Variants in RAB28 observed in about 807,000 individuals in gnomAD.
RAB28 encodes ras-related protein Rab-28.
A neutral mutation model predicts 31.7 loss-of-function variants in RAB28; 24 were observed. That is an observed-to-expected ratio of 0.76 (90% CI 0.55 to 1.06). The LOEUF is 1.06. Among genes scored for constraint, RAB28 ranks in the 50% least tolerant of loss-of-function variants. The pLI, the probability that RAB28 is intolerant of heterozygous loss-of-function variation, is 0.00. For missense variants in RAB28, 254 were observed against 258.5 expected, an observed-to-expected ratio of 0.98 and a Z score of 0.12; for synonymous variants, 100 against 90.4, an observed-to-expected ratio of 1.11 and a Z score of -0.60.
chr4:13,381,716 C>T (rs1248591267), intron 4 of RAB28, 122 bp from the exon 5 acceptor site: 1 of 634,982 alleles, frequency 1.6e-6, no homozygotes, highest in East Asian at 2.9e-5. Context: ...GCTGTGCAAC[C>T]TTGGACAATT....
chr4:13,373,927 A>G (rs554756448), intron 6 of RAB28, among the ~76,000 whole-genome samples: 42 of 151,916 alleles, frequency 2.8e-4, no homozygotes, highest in Admixed American at 7.2e-4. Flanking sequence ...TGCAGTGTGT[A>G]TGTGTGTGTA....
intron 5 of RAB28, among the ~76,000 whole-genome samples, chr4:13,379,205 C>CAAA (rs34341516): frequency 1.0e-4 from 6 of 57,970 alleles, no homozygotes; most frequent in African/African-American, 3.0e-4. Context: ...AACTCTGTCT[C>CAAA]AAAAAAAAAA....
chr4:13,374,856 C>T (rs537210646), intron 6 of RAB28, among the ~76,000 whole-genome samples: 4 of 152,216 alleles, frequency 2.6e-5, no homozygotes, highest in Admixed American at 6.5e-5. Flanking sequence ...ATTGCCCTAC[C>T]TCAAAATGAT....
chr4:13,481,949 G>A (rs1716625796), intron 1 of RAB28, among the ~76,000 whole-genome samples: 1 of 152,148 alleles, frequency 6.6e-6, no homozygotes, highest in Non-Finnish European at 1.5e-5. Flanking sequence ...TGGCTGCCAA[G>A]TATTTGAGAA....
chr4:13,459,772 T>C (rs1577235290), intron 4 of RAB28: 1 of 1,120,428 alleles, frequency 8.9e-7, no homozygotes, highest in East Asian at 7.3e-5. Flanking sequence ...GCATATAAAA[T>C]TCCAATGTAG....
intron 4 of RAB28, among the ~76,000 whole-genome samples, chr4:13,402,056 C>T (rs761529595): frequency 5.9e-5 from 9 of 152,182 alleles, no homozygotes; most frequent in Non-Finnish European, 1.3e-4. Context: ...GGGAATATTA[C>T]AAATATGTTT....
chr4:13,447,345 G>A (rs1256609206), intron 4 of RAB28, among the ~76,000 whole-genome samples: 1 of 151,996 alleles, frequency 6.6e-6, no homozygotes, highest in Non-Finnish European at 1.5e-5. Context: ...AGTCTTTCTT[G>A]ATCTGTCCTT....
chr4:13,482,900 G>A (rs914882862), intron 1 of RAB28, among the ~76,000 whole-genome samples: 1 of 152,224 alleles, frequency 6.6e-6, no homozygotes, highest in Non-Finnish European at 1.5e-5. Context: ...AACTGTCAGG[G>A]AGGATGCAAA....
chr4:13,426,568 AC>A (rs1032872273), intron 4 of RAB28, among the ~76,000 whole-genome samples: 4 of 152,154 alleles, frequency 2.6e-5, no homozygotes. Context: ...CATTTTTAAT[AC>A]TAAAAATCCA....
chr4:13,449,838 A>T (rs1714872513), intron 4 of RAB28, among the ~76,000 whole-genome samples: 1 of 151,848 alleles, frequency 6.6e-6, no homozygotes, highest in African/African-American at 2.4e-5. Context: ...AAGAAGCTAT[A>T]AATCAGGAAG....
intron 4 of RAB28, among the ~76,000 whole-genome samples, chr4:13,406,245 T>G (rs1193176207): frequency 1.3e-5 from 2 of 152,204 alleles, no homozygotes; most frequent in Non-Finnish European, 2.9e-5. Flanking sequence ...AGTGAGAACA[T>G]GCAGTGTTTG....
chr4:13,404,196 T>C (rs1176933567), intron 4 of RAB28, among the ~76,000 whole-genome samples: 3 of 152,060 alleles, frequency 2.0e-5, no homozygotes, highest in African/African-American at 4.8e-5. Flanking sequence ...CTGACCAACA[T>C]GGAGAAACCC....
At chr4:13,430,155 C>T (rs1713731977) in intron 4 of RAB28, among the ~76,000 whole-genome samples, 1 of 152,046 alleles carries the variant, frequency 6.6e-6, no homozygotes, top group Non-Finnish European at 1.5e-5. Flanking sequence ...AACCCCTGCT[C>T]ACATCATATT....
intron 4 of RAB28, among the ~76,000 whole-genome samples, chr4:13,389,916 A>G (rs1577164602): frequency 6.6e-6 from 1 of 152,182 alleles, no homozygotes; most frequent in Non-Finnish European, 1.5e-5. Context: ...TCTCAAAACA[A>G]TAAGAGCTAT....
chr4:13,478,821 G>A (rs1052977020), intron 2 of RAB28, among the ~76,000 whole-genome samples: 6 of 151,616 alleles, frequency 4.0e-5, no homozygotes, highest in Non-Finnish European at 7.4e-5. Flanking sequence ...CCCACAAAAT[G>A]TGCTGCAACT....
chr4:13,435,031 A>AAAAAG (rs1560291829), intron 4 of RAB28, among the ~76,000 whole-genome samples: 3 of 150,686 alleles, frequency 2.0e-5, no homozygotes, highest in African/African-American at 7.3e-5. Context: ...AAAAAAAAAA[A>AAAAAG]AAAAGAAAAG....
chr4:13,393,850 G>A (rs1729753079), intron 4 of RAB28, among the ~76,000 whole-genome samples: 1 of 124,046 alleles, frequency 8.1e-6, no homozygotes, highest in South Asian at 2.5e-4. Flanking sequence ...TAAAATCACA[G>A]GCTACAAAAA....
chr4:13,439,879 C>T (rs572442800), intron 4 of RAB28, among the ~76,000 whole-genome samples: 2 of 152,278 alleles, frequency 1.3e-5, no homozygotes, highest in African/African-American at 4.8e-5. Context: ...TATATACGTA[C>T]AATTCCCAAA....
chr4:13,483,854 G>C (rs1716734891), intron 1 of RAB28, among the ~76,000 whole-genome samples: 2 of 152,232 alleles, frequency 1.3e-5, no homozygotes, highest in African/African-American at 4.8e-5. Context: ...ATCCAGGCGG[G>C]GAGTTAGGAA....
Sources: allele counts gnomAD v4.1 joint callset (sites outside exome capture counted in the v4.1 genomes callset), GRCh38; gene constraint gnomAD v4.1.1; transcripts MANE v1.5; gene names NCBI Gene and HGNC (gene_info 2026-07-23, HGNC 2026-07-21).